ADARB2: variants seen among roughly 807,000 people sequenced by gnomAD.
The protein encoded by ADARB2 is adenosine deaminase RNA specific B2 (inactive).
ADARB2 carries 25 observed loss-of-function variants against 62.2 expected under a neutral mutation model. The ratio of observed to expected loss-of-function variants is 0.40; its 90% CI spans 0.29 to 0.56. The LOEUF (loss-of-function observed/expected upper bound fraction) is 0.56. Ranked by LOEUF, ADARB2 falls within the 20% of genes least tolerant of loss-of-function variation. The pLI, the probability that ADARB2 is intolerant of heterozygous loss-of-function variation, is 0.43. For missense variants in ADARB2, 1,071 were observed against 1,077.4 expected, an observed-to-expected ratio of 0.99 and a Z score of 0.08; for synonymous variants, 572 against 500.8, an observed-to-expected ratio of 1.14 and a Z score of -1.90.
intron 1 of ADARB2, among the ~76,000 whole-genome samples, chr10:1,536,931 G>A (rs1421621653): frequency 6.6e-6 from 1 of 152,174 alleles, no homozygotes; most frequent in Non-Finnish European, 1.5e-5. Context: ...AATGCCAAAA[G>A]CAATTGCAAC....
intron 1 of ADARB2, among the ~76,000 whole-genome samples, chr10:1,438,822 AGATG>A (rs1564289241): frequency 4.3e-4 from 57 of 132,604 alleles, no homozygotes; most frequent in Admixed American, 5.3e-4. Flanking sequence ...TCTCCTCAGC[AGATG>A]GAGGCAGGTC....
chr10:1,629,621 C>G (rs574647240), intron 1 of ADARB2, among the ~76,000 whole-genome samples: 16 of 147,598 alleles, frequency 1.1e-4, no homozygotes, highest in African/African-American at 3.7e-4. Context: ...CGCTCTGGGT[C>G]TGTCCCCATT....
At chr10:1,624,962 C>T (rs1048623176) in intron 1 of ADARB2, among the ~76,000 whole-genome samples, 4 of 152,076 alleles carry the variant, frequency 2.6e-5, no homozygotes, top group Non-Finnish European at 5.9e-5. Flanking sequence ...TTGTATATCT[C>T]AATAAAAATA....
chr10:1,347,636 G>A (rs981043792), intron 3 of ADARB2, among the ~76,000 whole-genome samples: 1 of 152,142 alleles, frequency 6.6e-6, no homozygotes, highest in Non-Finnish European at 1.5e-5. Context: ...AGCTCTTCAC[G>A]CCCATCGGCT....
intron 2 of ADARB2, among the ~76,000 whole-genome samples, chr10:1,368,075 C>T (rs894876184): frequency 2.6e-5 from 4 of 152,140 alleles, no homozygotes; most frequent in Non-Finnish European, 5.9e-5. Context: ...TCCCATTTCC[C>T]TGACGTGGGA....
chr10:1,474,231 G>A (rs548416006), intron 1 of ADARB2, among the ~76,000 whole-genome samples: 4 of 152,218 alleles, frequency 2.6e-5, no homozygotes, highest in Non-Finnish European at 5.9e-5. Context: ...CCTTCCTCCT[G>A]AGCTCCCAGC....
chr10:1,417,695 T>C (rs1832816631), intron 1 of ADARB2, among the ~76,000 whole-genome samples: 2 of 152,206 alleles, frequency 1.3e-5, no homozygotes, highest in African/African-American at 4.8e-5. Context: ...ACTCCTGTGC[T>C]ATGGGCCGGC....
intron 2 of ADARB2, among the ~76,000 whole-genome samples, chr10:1,375,957 GCA>G (rs368350780): frequency 6.8e-3 from 206 of 30,472 alleles, no homozygotes; most frequent in Admixed American, 7.9e-3. Context: ...CCACACACAT[GCA>G]CACACACACA....
At chr10:1,510,733 C>G (rs1831926113) in intron 1 of ADARB2, among the ~76,000 whole-genome samples, 1 of 152,144 alleles carries the variant, frequency 6.6e-6, no homozygotes, top group Admixed American at 6.5e-5. Flanking sequence ...ATGACTCCCC[C>G]ACCCCCTACA....
At chr10:1,454,633 C>A (rs1431948110) in intron 1 of ADARB2, among the ~76,000 whole-genome samples, 1 of 152,002 alleles carries the variant, frequency 6.6e-6, no homozygotes, top group Non-Finnish European at 1.5e-5. Context: ...GTCCTCACAC[C>A]CACAGAGACA....
At chr10:1,709,744 CTT>C (rs1564201228) in intron 1 of ADARB2, among the ~76,000 whole-genome samples, 1 of 152,198 alleles carries the variant, frequency 6.6e-6, no homozygotes, top group African/African-American at 2.4e-5. Context: ...ATGCCTAGCT[CTT>C]CTTACAGGAA....
At chr10:1,410,009 GGTC>G (rs1832745312) in intron 1 of ADARB2, among the ~76,000 whole-genome samples, 1 of 38,494 alleles carries the variant, frequency 2.6e-5, no homozygotes, top group African/African-American at 6.5e-5. Flanking sequence ...GCCTGGCTGT[GGTC>G]ATAGGGAAGG....
At chr10:1,295,097 T>G (rs1314294086) in intron 3 of ADARB2, among the ~76,000 whole-genome samples, 1 of 152,146 alleles carries the variant, frequency 6.6e-6, no homozygotes, top group Non-Finnish European at 1.5e-5. Flanking sequence ...ACTTCAGGTG[T>G]GGAAATGCCG....
chr10:1,621,972 G>GA (rs1833709345), intron 1 of ADARB2, among the ~76,000 whole-genome samples: 1 of 152,150 alleles, frequency 6.6e-6, no homozygotes, highest in African/African-American at 2.4e-5. Context: ...TATACTAGCT[G>GA]ATTTCAAAAT....
chr10:1,231,177 T>C (rs72762912), intron 6 of ADARB2, among the ~76,000 whole-genome samples: 152,305 of 152,306 alleles, frequency 1, 76,152 homozygotes, highest in Middle Eastern at 1. Context: ...ACCAGGGACA[T>C]ATTAGCCAAG....
chr10:1,245,592 G>GT (rs1001842112), intron 4 of ADARB2, among the ~76,000 whole-genome samples: 223 of 151,388 alleles, frequency 1.5e-3, no homozygotes, highest in African/African-American at 5.2e-3. Context: ...GCGGTGTTTG[G>GT]TTTTTTGTCC....
At chr10:1,354,809 G>T (rs1290580122) in intron 3 of ADARB2, among the ~76,000 whole-genome samples, 2 of 152,188 alleles carry the variant, frequency 1.3e-5, no homozygotes, top group Non-Finnish European at 2.9e-5. Flanking sequence ...GTGTAATGAT[G>T]AGTCCCAAAG....
intron 3 of ADARB2, among the ~76,000 whole-genome samples, chr10:1,321,762 G>GAA (rs1446040953): frequency 5.9e-5 from 9 of 152,154 alleles, no homozygotes; most frequent in African/African-American, 2.2e-4. Flanking sequence ...AGCTACGAGG[G>GAA]CTTTTGTCTA....
intron 1 of ADARB2, among the ~76,000 whole-genome samples, chr10:1,573,922 T>A (rs181275430): frequency 6.6e-6 from 1 of 152,330 alleles, no homozygotes; most frequent in East Asian, 1.9e-4. Context: ...ACAAGACACG[T>A]CCTGCTAACC....
Sources: allele counts gnomAD v4.1 joint callset (sites outside exome capture counted in the v4.1 genomes callset), GRCh38; gene constraint gnomAD v4.1.1; transcripts MANE v1.5; gene names NCBI Gene and HGNC (gene_info 2026-07-23, HGNC 2026-07-21).